Variants in AKT2 observed in about 807,000 individuals in gnomAD.
AKT2 encodes AKT serine/threonine kinase 2.
In AKT2, 16 loss-of-function variants were observed where a neutral mutation model predicts 58.6. The ratio of observed to expected loss-of-function variants is 0.27; its 90% confidence interval spans 0.18 to 0.41. The LOEUF (loss-of-function observed/expected upper bound fraction) is 0.41, where lower values mean the gene tolerates loss of function less well. Ranked by LOEUF, AKT2 falls within the 10% of genes least tolerant of loss-of-function variation. AKT2 has a pLI of 1.00. For synonymous variants in AKT2, 253 were observed against 254.0 expected (o/e 1.00, Z 0.04); for missense variants, 438 against 661.0 (o/e 0.66, Z 3.70).
intron 1 of AKT2, among the ~76,000 whole-genome samples, chr19:40,272,200 C>T (rs148384579): frequency 2.8e-4 from 42 of 152,354 alleles, no homozygotes; most frequent in African/African-American, 7.7e-4. Context: ...GAAGTACAGG[C>T]GGCCTGGCTC....
chr19:40,242,868 G>T lies in AKT2; in HGVS notation c.288-181C>A, dbSNP rs1005315796. On this transcript the variant is annotated intron_variant, in intron 4 of 13. Coordinates refer to ENST00000392038, the MANE Select transcript of AKT2 (RefSeq NM_001626.6). The surrounding 1 kb of genome is among the most constrained non-coding windows in gnomAD (Gnocchi z 4.3). ...TGAAGGGACCTGAGTGAAATTCCAC[G>T]CCAGGCGCAGTGGCTCATGCCTATA... The T allele has an allele frequency of 1.5e-6, 1 of 673,734 alleles. No individual in the cohort carries two copies. Among genetic ancestry groups the T allele is most frequent in the South Asian group, 1.7e-5 (1 of 57,284 alleles). 41.7% of individuals were successfully genotyped at this position (673,734 alleles called of 1,614,324 possible).
chr19:40,247,858 A>G (rs1974857171), intron 4 of AKT2, among the ~76,000 whole-genome samples: 1 of 151,980 alleles, frequency 6.6e-6, no homozygotes, highest in Non-Finnish European at 1.5e-5. Context: ...CCAGGGACAC[A>G]AGAAGTGCCC....
At chr19:40,271,480 T>C (rs2077215899) in intron 1 of AKT2, among the ~76,000 whole-genome samples, 2 of 148,906 alleles carry the variant, frequency 1.3e-5, no homozygotes, top group South Asian at 4.2e-4. Context: ...ACTAGTGGTG[T>C]AACAGGCAGC....
chr19:40,235,736 C>T lies in AKT2; in HGVS notation c.1175+154G>A. 6.6e-6 allele frequency among the ~76,000 whole-genome samples: 1 copy of T among 152,184 alleles called. No individual in the cohort carries two copies. Among genetic ancestry groups the T allele is most frequent in the East Asian group, 1.9e-4 (1 of 5,192 alleles). ...TGGGCCTGCCCTGGGGGAAGCACTC[C>T]CTAAGTGCCACTGTGGACGTTTTCA... On this transcript the variant is annotated intron_variant, in intron 11 of 13. Coordinates refer to ENST00000392038, the MANE Select transcript of AKT2 (RefSeq NM_001626.6). The surrounding 1 kb of genome is among the most constrained non-coding windows in gnomAD (Gnocchi z 6.3).
In AKT2 at chr19:40,242,119, G is replaced by T. The variant is rs576276808; in HGVS notation, c.442-50C>A. 6.2e-7 allele frequency: 1 copy of T among 1,612,310 alleles called. No individual in the cohort carries two copies. On this transcript the variant is annotated intron_variant, in intron 5 of 13. Transcript: ENST00000392038. This position sits in a 1 kb window ranked among gnomAD's most constrained non-coding sequence, Gnocchi z 4.3. ...GCAGTCAGCGCCTGGCTCATGGCCC[G>T]TGGGAGGAAATTTTAACAAAAGAAA...
At chr19:40,241,903 C>T (rs1238214460) in intron 6 of AKT2, 35 bp downstream of exon 6, 1 of 1,612,314 alleles carries the variant, frequency 6.2e-7, no homozygotes, top group African/African-American at 1.3e-5. Context: ...GCAGCCCCCA[C>T]AGAGGCTCGC....
rs769438580 is a variant in AKT2, at chr19:40,235,410, C to T, written c.1176-60G>A. The T allele has an allele frequency of 1.6e-5, 25 of 1,529,578 alleles. No individual in the cohort carries two copies. The highest frequency in any genetic ancestry group is 1.3e-4 in the Admixed American group (8 of 59,704). The allele number at this position is 1,529,578 out of a possible 1,614,324, so 94.8% of individuals were successfully genotyped here. ...GAGCAGCTGGGTTCGGGCAGACGGG[C>T]TTTCGGAGCAGGCAGGCCCTGTATG... is the stretch of plus-strand genomic sequence containing the variant. On this transcript the variant is annotated intron_variant, in intron 11 of 13. Transcript: ENST00000392038. This position sits in a 1 kb window ranked among gnomAD's most constrained non-coding sequence, Gnocchi z 6.3.
chr19:40,238,638 C>A lies in AKT2; in HGVS notation c.708+267G>T, dbSNP rs1319510522. ...CATCCTTCCCAGTGCTATCGCCCCA[C>A]AGCCCTCTCCACACCTCTCTGGACT... On this transcript the variant is annotated intron_variant, in intron 8 of 13. Transcript: ENST00000392038. The surrounding 1 kb of genome is among the most constrained non-coding windows in gnomAD (Gnocchi z 5.1). Among the ~76,000 whole-genome samples, 1 of 152,178 alleles carries A rather than the reference C, an allele frequency of 6.6e-6. No homozygotes were observed. The highest frequency in any genetic ancestry group is 1.9e-4 in the East Asian group (1 of 5,176).
intron 1 of AKT2, chr19:40,282,369 C>A: frequency 7.3e-6 from 3 of 408,638 alleles, no homozygotes; most frequent in Non-Finnish European, 1.5e-5. Context: ...CGTCCTGCTG[C>A]TAGCTAACGC....
chr19:40,256,105 T>G (rs896454858), intron 3 of AKT2, among the ~76,000 whole-genome samples: 2 of 152,030 alleles, frequency 1.3e-5, no homozygotes, highest in East Asian at 3.9e-4. Flanking sequence ...TTGAAGACAC[T>G]TGGGGAGATG....
In AKT2 at chr19:40,231,946, C is replaced by T. The variant is rs1973723364; in HGVS notation, c.*1926G>A. On this transcript the variant is annotated 3_prime_UTR_variant, in exon 14 of 14. Coordinates refer to ENST00000392038, the MANE Select transcript of AKT2 (RefSeq NM_001626.6). ...GATAGGAATGCCCCCCTCTGAGGCT[C>T]GGCAGCCGGGTGGAATGAACCACTC... is the stretch of plus-strand genomic sequence containing the variant. 1 of 233,340 alleles carries T rather than the reference C, an allele frequency of 4.3e-6. No homozygotes were observed. The highest frequency in any genetic ancestry group is 8.5e-6 in the Non-Finnish European group (1 of 118,100). 14.5% of individuals were successfully genotyped at this position (233,340 alleles called of 1,614,324 possible).
chr19:40,284,955 G>A (rs1040264380), intron 1 of AKT2: 5 of 348,152 alleles, frequency 1.4e-5, no homozygotes, highest in Middle Eastern at 1.5e-3. Context: ...AACTTGCAGC[G>A]CTCCCCCCAC....
Position 40,275,075 on chromosome 19 carries a change from C to T in AKT2, c.-84-9724G>A, listed in dbSNP as rs148490745. On this transcript the variant is annotated intron_variant, in intron 1 of 13. Transcript: ENST00000392038. ...ACCTGCATGCAGCAGATGTGAAAAC[C>T]GAGGATGGGAGAGATTCGGTGAATA... is the stretch of plus-strand genomic sequence containing the variant. 3.9e-5 allele frequency: 18 copies of T among 456,734 alleles called. No individual in the cohort carries two copies. The East Asian group carries it at 4.9e-4, about 12-fold the overall frequency. The allele number at this position is 456,734 out of a possible 1,614,324, so 28.3% of individuals were successfully genotyped here.
Position 40,230,329 on chromosome 19 carries a change from G to A in AKT2, c.*3543C>T, listed in dbSNP as rs781691357. 1.3e-4 allele frequency: 27 copies of A among 211,194 alleles called. No individual in the cohort carries two copies. The highest frequency in any genetic ancestry group is 2.3e-4 in the Non-Finnish European group (24 of 104,186). The allele number at this position is 211,194 out of a possible 1,614,324, so 13.1% of individuals were successfully genotyped here. A position where few individuals can be genotyped will look rare whatever the true frequency, so the allele number is the denominator to read the frequency against. The stretch of plus-strand genomic sequence containing the variant: ...AGCACCAGCACAGTACAGATGGATA[G>A]CTAGTTTATTACAGGACTGCTGGTA... On this transcript the variant is annotated 3_prime_UTR_variant, in exon 14 of 14. Transcript: ENST00000392038.
intron 4 of AKT2, among the ~76,000 whole-genome samples, chr19:40,250,356 A>G (rs537142194): frequency 6.6e-6 from 1 of 152,038 alleles, no homozygotes; most frequent in African/African-American, 2.4e-5. Flanking sequence ...ATACAAAATG[A>G]GCTAGGCATG....
intron 4 of AKT2, among the ~76,000 whole-genome samples, 197 bp downstream of exon 4, chr19:40,254,961 A>G (rs1199860099): frequency 6.6e-6 from 1 of 152,090 alleles, no homozygotes; most frequent in Non-Finnish European, 1.5e-5. Flanking sequence ...ATGCACCCGC[A>G]AGTCAAAGGG....
intron 2 of AKT2, among the ~76,000 whole-genome samples, chr19:40,259,425 T>C (rs1975784912): frequency 1.3e-5 from 2 of 152,048 alleles, no homozygotes; most frequent in African/African-American, 4.8e-5. Flanking sequence ...CTGTAAACCA[T>C]ATACAAAAAT....
chr19:40,273,421 C>A (rs2077252600), intron 1 of AKT2: 1 of 148,246 alleles, frequency 6.7e-6, no homozygotes. Context: ...TGTTTCTGAA[C>A]AGGTGAATTT....
chr19:40,241,824 G>A (rs1309667451), intron 6 of AKT2, 114 bp downstream of exon 6: 1 of 1,484,264 alleles, frequency 6.7e-7, no homozygotes, highest in South Asian at 1.2e-5. Flanking sequence ...GGGAATTTGT[G>A]GGGGAAATAA....
Sources: gnomAD v4.1 joint callset for allele counts (sites outside exome capture counted in the v4.1 genomes callset) on GRCh38, gnomAD v4.1.1 for gene constraint, Gnocchi (gnomAD v3.1) non-coding constraint, MANE v1.5 for transcripts, NCBI Gene and HGNC (gene_info 2026-07-23, HGNC 2026-07-21) for gene names.